Variants in PPP2R5D observed in about 807,000 individuals in gnomAD.
The protein encoded by PPP2R5D is protein phosphatase 2 regulatory subunit B'delta.
Under a neutral mutation model 79.1 loss-of-function variants are expected in PPP2R5D, and 12 were observed. The ratio of observed to expected loss-of-function variants is 0.15; its 90% CI spans 0.10 to 0.25. The LOEUF (loss-of-function observed/expected upper bound fraction) is 0.25, where lower values mean the gene tolerates loss of function less well. Among genes scored for constraint, PPP2R5D ranks in the 10% least tolerant of loss-of-function variants. PPP2R5D has a pLI of 1.00. For synonymous variants in PPP2R5D, 277 were observed against 286.6 expected (o/e 0.97, Z 0.34); for missense variants, 419 against 760.2 (o/e 0.55, Z 5.28).
At chr6:43,003,089 G>A (rs1761851879) in intron 2 of PPP2R5D, among the ~76,000 whole-genome samples, 1 of 152,084 alleles carries the variant, frequency 6.6e-6, no homozygotes, top group Admixed American at 6.6e-5. Context: ...GACTTCATGG[G>A]GCTGTAACAC....
In PPP2R5D at chr6:43,006,758, T is replaced by C. The variant is rs1581851983; in HGVS notation, c.322+79T>C. 5 of 1,580,118 alleles carry C rather than the reference T, an allele frequency of 3.2e-6. No homozygotes were observed. In the South Asian group the frequency reaches 5.8e-5, roughly 18 times the overall value. On this transcript the variant is annotated intron_variant, in intron 3 of 15. Transcript: ENST00000485511. This position sits in a 1 kb window ranked among gnomAD's most constrained non-coding sequence, Gnocchi z 4.7. ...AGTTGGTGGAATGGAAGTTTTGGGG[T>C]ATTTTGCGGGGAAGGGAGTTCCAGA...
chr6:43,011,093 A>G, intron 15 of PPP2R5D, 56 bp from the exon 16 acceptor site: 4 of 1,612,860 alleles, frequency 2.5e-6, no homozygotes, highest in Non-Finnish European at 3.4e-6. Context: ...GGACGGAACA[A>G]TAGAATTCAC....
intron 1 of PPP2R5D, among the ~76,000 whole-genome samples, chr6:42,985,300 G>C (rs888191198): frequency 3.9e-5 from 6 of 152,170 alleles, no homozygotes; most frequent in Non-Finnish European, 7.3e-5. Context: ...TTGTAAGCAG[G>C]ACTGAGCCCT....
At position 43,010,901 on chromosome 6, in the gene PPP2R5D, T is replaced by C. The variant is rs1463027121; in HGVS notation, c.1575T>C (p.Pro525=). The change falls in exon 15 of 16, where the codon CCT becomes CCC. Residue 525 remains proline (P), a synonymous_variant. Transcript: ENST00000485511. The surrounding 1 kb of genome is among the most constrained non-coding windows in gnomAD (Gnocchi z 4.7). ...CTCAGTATCCCATGTTCCGAGCCCC[T>C]CCACCACTGCCCCCTGTGTACTCGA... ...LNPQYPMFRA[P]PPLPPVYSME... is the part of the protein sequence containing the mutation. 1 of 1,613,934 alleles carries C rather than the reference T, an allele frequency of 6.2e-7. No individual in the cohort carries two copies. Among genetic ancestry groups the C allele is most frequent in the South Asian group, 1.1e-5 (1 of 91,056 alleles).
In PPP2R5D at chr6:43,011,230, C is replaced by T; in HGVS notation, c.1753C>T (p.Leu585=). The change falls in exon 16 of 16, where the codon CTG becomes TTG. Residue 585 remains leucine (L), a synonymous_variant. Coordinates refer to ENST00000485511, the MANE Select transcript of PPP2R5D (RefSeq NM_006245.4). ...CCAGGACGTGTACACCATCAAGGCA[C>T]TGGAGGCGCACAAGCGGGCGGAAGA... ...LPQDVYTIKA[L]EAHKRAEEFL... is the part of the protein sequence containing the mutation. 1 of 1,614,124 alleles carries T rather than the reference C, an allele frequency of 6.2e-7. No homozygotes were observed. The highest frequency in any genetic ancestry group is 8.5e-7 in the Non-Finnish European group (1 of 1,180,018).
rs577786329 is a variant in PPP2R5D at position 42,998,786 on chromosome 6, G to A, written c.106-7677G>A. Among the ~76,000 whole-genome samples, 3 of 152,276 alleles carry A rather than the reference G, an allele frequency of 2.0e-5. No homozygotes were observed. In the East Asian group the frequency reaches 5.8e-4, roughly 29 times the overall value. On this transcript the variant is annotated intron_variant, in intron 2 of 15. Coordinates refer to ENST00000485511, the MANE Select transcript of PPP2R5D (RefSeq NM_006245.4). ...ACGGTGGCTCACGCCTGTAATCCCA[G>A]CACTTTGGGAGGCTGAGGCAGGCAG...
chr6:42,986,909 T>C (rs1770896381), intron 1 of PPP2R5D, among the ~76,000 whole-genome samples: 1 of 152,118 alleles, frequency 6.6e-6, no homozygotes, highest in South Asian at 2.1e-4. Flanking sequence ...TATAAGGTTT[T>C]TCTGCTCTTG....
At chr6:42,998,471 G>A (rs544428530) in intron 2 of PPP2R5D, among the ~76,000 whole-genome samples, 11 of 152,214 alleles carry the variant, frequency 7.2e-5, no homozygotes, top group Non-Finnish European at 1.5e-4. Context: ...TATGAGTGTC[G>A]TGTGGAAATT....
chr6:42,988,471 T>C (rs1771014536), intron 1 of PPP2R5D, among the ~76,000 whole-genome samples: 1 of 152,216 alleles, frequency 6.6e-6, no homozygotes, highest in African/African-American at 2.4e-5. Flanking sequence ...AGCCCATTGC[T>C]CTCGTGCCTC....
intron 2 of PPP2R5D, among the ~76,000 whole-genome samples, chr6:43,004,772 T>C (rs892278624): frequency 6.6e-6 from 1 of 151,380 alleles, no homozygotes; most frequent in African/African-American, 2.4e-5. Flanking sequence ...TTTTTTTTTT[T>C]TGAGGCAGAG....
chr6:42,987,962 G>A (rs150318932), intron 1 of PPP2R5D, among the ~76,000 whole-genome samples: 2,841 of 152,178 alleles, frequency 0.019, 31 homozygotes, highest in South Asian at 0.032. Flanking sequence ...CCCTGCCCCC[G>A]GCCTATTTCT....
intron 1 of PPP2R5D, 135 bp downstream of exon 1, chr6:42,984,839 C>A: frequency 7.3e-7 from 1 of 1,365,968 alleles, no homozygotes; most frequent in Non-Finnish European, 9.7e-7. Context: ...GGCCAGCCCT[C>A]CGCCCCCGCG....
In PPP2R5D at chr6:43,011,129, T is replaced by C; in HGVS notation, c.1672-20T>C. On this transcript the variant is annotated intron_variant, in intron 15 of 15. Transcript: ENST00000485511. ...TGGGAATTGGTCACCATTCCTCACC[T>C]TGTCCCTATTCACACACAGATGCTA... The C allele has an allele frequency of 6.2e-7, 1 of 1,614,064 alleles. No homozygotes were observed. Among genetic ancestry groups the C allele is most frequent in the Non-Finnish European group, 8.5e-7 (1 of 1,179,968 alleles).
intron 2 of PPP2R5D, among the ~76,000 whole-genome samples, chr6:42,998,030 T>TAC (rs1771853268): frequency 5.7e-5 from 1 of 17,404 alleles, no homozygotes; most frequent in African/African-American, 1.4e-4. Flanking sequence ...TATATATATA[T>TAC]ATATATATAT....
intron 2 of PPP2R5D, among the ~76,000 whole-genome samples, chr6:42,997,074 C>A (rs779081508): frequency 2.9e-4 from 44 of 151,962 alleles, no homozygotes; most frequent in Non-Finnish European, 5.4e-4. Context: ...TGGCTCACTG[C>A]AACCTCTGCC....
chr6:43,005,552 T>C (rs1762028118), intron 2 of PPP2R5D, among the ~76,000 whole-genome samples: 1 of 152,154 alleles, frequency 6.6e-6, no homozygotes, highest in African/African-American at 2.4e-5. Flanking sequence ...GTAATCCTCC[T>C]GCTTTGGCTT....
intron 1 of PPP2R5D, among the ~76,000 whole-genome samples, chr6:42,987,987 C>T (rs995246100): frequency 3.3e-5 from 5 of 152,144 alleles, no homozygotes; most frequent in East Asian, 1.9e-4. Flanking sequence ...ACCCCATGCT[C>T]TCAGCCACTG....
rs1179454057 is a variant in PPP2R5D at position 43,011,603 on chromosome 6, G to C, written c.*317G>C. 2.4e-6 allele frequency: 1 copy of C among 410,572 alleles called. No homozygotes were observed. The highest frequency in any genetic ancestry group is 4.5e-6 in the Non-Finnish European group (1 of 223,332). The allele number at this position is 410,572 out of a possible 1,614,324, so 25.4% of individuals were successfully genotyped here. On this transcript the variant is annotated 3_prime_UTR_variant, in exon 16 of 16. Transcript: ENST00000485511. ...AGGCTGCTCTGAGAAGTACACACAG[G>C]AATACATACGCTCCTCTATTCTTCC...
intron 2 of PPP2R5D, among the ~76,000 whole-genome samples, chr6:42,995,962 C>T (rs907105393): frequency 1.2e-4 from 17 of 147,032 alleles, no homozygotes; most frequent in African/African-American, 4.0e-4. Context: ...CCGGGGTTCA[C>T]GCCATTCTCC....
Sources: allele counts gnomAD v4.1 joint callset (sites outside exome capture counted in the v4.1 genomes callset), GRCh38; gene constraint gnomAD v4.1.1; non-coding constraint Gnocchi (gnomAD v3.1); transcripts MANE v1.5; gene names NCBI Gene and HGNC (gene_info 2026-07-23, HGNC 2026-07-21).